CAMTA1: variants seen among roughly 807,000 people sequenced by gnomAD.
CAMTA1 encodes the protein calmodulin-binding transcription activator 1.
Under a neutral mutation model 170.9 loss-of-function variants are expected in CAMTA1, and 27 were observed. The observed-to-expected ratio is 0.16, with a 90% confidence interval of 0.12 to 0.22. CAMTA1 has a LOEUF of 0.22. CAMTA1 is among the 10% of genes least tolerant of loss of function. The pLI, the probability that CAMTA1 is intolerant of heterozygous loss-of-function variation, is 1.00. For synonymous variants in CAMTA1, 833 were observed against 891.5 expected (o/e 0.93, Z 1.17); for missense variants, 1,619 against 2,217.2 (o/e 0.73, Z 5.42).
chr1:6,918,729 G>A lies in CAMTA1; in HGVS notation c.234+93519G>A, dbSNP rs1363958752. 6.6e-6 allele frequency among the ~76,000 whole-genome samples: 1 copy of A among 152,186 alleles called. No individual in the cohort carries two copies. The highest frequency in any genetic ancestry group is 1.9e-4 in the East Asian group (1 of 5,192). On this transcript the variant is annotated intron_variant, in intron 3 of 22. Transcript: ENST00000303635. This position sits in a 1 kb window ranked among gnomAD's most constrained non-coding sequence, Gnocchi z 4.0. ...GAGGCTGGGCTCCTTGGGACTTCCT[G>A]GTGGATGACGCCTGGGGAGTTAGAA...
chr1:7,141,958 C>A (rs761542260), intron 4 of CAMTA1, among the ~76,000 whole-genome samples: 3 of 152,184 alleles, frequency 2.0e-5, no homozygotes, highest in Non-Finnish European at 4.4e-5. Flanking sequence ...GGACACACAG[C>A]GAGCCATGGC....
intron 3 of CAMTA1, among the ~76,000 whole-genome samples, chr1:6,982,580 C>T (rs1007174825): frequency 2.0e-5 from 3 of 152,204 alleles, no homozygotes; most frequent in African/African-American, 7.2e-5. Context: ...CCCTTAGCTA[C>T]TTCTTAAGTG....
intron 4 of CAMTA1, among the ~76,000 whole-genome samples, chr1:7,226,796 G>A (rs1292638218): frequency 6.6e-6 from 1 of 151,900 alleles, no homozygotes. Flanking sequence ...AATATCCTGT[G>A]ATTCATTTAC....
intron 4 of CAMTA1, among the ~76,000 whole-genome samples, chr1:7,230,488 C>T (rs1052624938): frequency 4.1e-5 from 6 of 147,828 alleles, no homozygotes; most frequent in South Asian, 2.2e-4. Context: ...GCTTATCTCC[C>T]GCCATCTGGA....
At chr1:7,042,924 A>G (rs1307929418) in intron 3 of CAMTA1, among the ~76,000 whole-genome samples, 1 of 152,228 alleles carries the variant, frequency 6.6e-6, no homozygotes, top group Non-Finnish European at 1.5e-5. Context: ...AATAAGGTAG[A>G]AAGCAGGTGT....
rs144256877 is a variant in CAMTA1, at chr1:7,295,467, C to T, written c.438+45841C>T. On this transcript the variant is annotated intron_variant, in intron 5 of 22. Coordinates refer to ENST00000303635, the MANE Select transcript of CAMTA1 (RefSeq NM_015215.4). ...GGATCTGCACAGTGGTACTTAGCAGCGTTCTAGGCACCTGGTAAGGGTTTG... is the reference window on the plus strand; with the variant it reads ...GGATCTGCACAGTGGTACTTAGCAGTGTTCTAGGCACCTGGTAAGGGTTTG... Among the ~76,000 whole-genome samples the T allele has an allele frequency of 5.0e-3, 769 of 152,284 alleles. 5 individuals are homozygous for T. The highest frequency in any genetic ancestry group is 0.017 in the African/African-American group (717 of 41,552).
chr1:7,640,992 G>T (rs1014894228), intron 7 of CAMTA1, among the ~76,000 whole-genome samples: 1 of 152,212 alleles, frequency 6.6e-6, no homozygotes, highest in South Asian at 2.1e-4. Context: ...TGGACTCAGG[G>T]CCTGCCTCGG....
intron 4 of CAMTA1, among the ~76,000 whole-genome samples, chr1:7,148,738 G>A (rs1032334704): frequency 1.3e-5 from 2 of 152,234 alleles, no homozygotes; most frequent in African/African-American, 2.4e-5. Context: ...TGTGGTGGCA[G>A]AGGGCACCAT....
intron 7 of CAMTA1, among the ~76,000 whole-genome samples, chr1:7,655,501 C>T (rs981349541): frequency 7.0e-5 from 10 of 141,976 alleles, no homozygotes; most frequent in South Asian, 4.7e-4. Flanking sequence ...ATACAACACA[C>T]ATACACACAC....
intron 4 of CAMTA1, among the ~76,000 whole-genome samples, chr1:7,158,749 T>G (rs895725031): frequency 5.3e-5 from 8 of 152,244 alleles, no homozygotes; most frequent in Non-Finnish European, 1.2e-4. Flanking sequence ...ATTTTCTGTA[T>G]GTTTGATAGT....
At chr1:7,487,172 T>G (rs2093629727) in intron 6 of CAMTA1, among the ~76,000 whole-genome samples, 1 of 152,160 alleles carries the variant, frequency 6.6e-6, no homozygotes, top group Non-Finnish European at 1.5e-5. Context: ...TGTTCCTCCC[T>G]CCTGTAGCAA....
intron 3 of CAMTA1, among the ~76,000 whole-genome samples, chr1:6,870,928 T>A (rs1297029851): frequency 1.3e-5 from 2 of 152,244 alleles, no homozygotes; most frequent in Admixed American, 6.5e-5. Context: ...TTATTTAGTA[T>A]AACCATTAAT....
chr1:7,175,650 AC>A (rs1245412656), intron 4 of CAMTA1, among the ~76,000 whole-genome samples: 1 of 152,096 alleles, frequency 6.6e-6, no homozygotes, highest in Non-Finnish European at 1.5e-5. Flanking sequence ...TCCTGCAGCC[AC>A]CCCAGCCGCT....
intron 6 of CAMTA1, among the ~76,000 whole-genome samples, chr1:7,551,756 G>A (rs188956953): frequency 1.6e-4 from 24 of 152,316 alleles, no homozygotes; most frequent in African/African-American, 5.3e-4. Flanking sequence ...CTGGCACTGG[G>A]TCTCTGCTGC....
At chr1:6,870,894 A>G (rs936756465) in intron 3 of CAMTA1, among the ~76,000 whole-genome samples, 5 of 152,230 alleles carry the variant, frequency 3.3e-5, no homozygotes, top group African/African-American at 1.2e-4. Context: ...TTCATTTTAT[A>G]TACTAGTGAA....
chr1:7,207,499 AAATAT>A (rs1657955923), intron 4 of CAMTA1, among the ~76,000 whole-genome samples: 2 of 152,222 alleles, frequency 1.3e-5, no homozygotes, highest in South Asian at 4.1e-4. Context: ...TACCACCTAA[AAATAT>A]ACACTCTATT....
At chr1:7,236,042 C>G (rs1663784372) in intron 4 of CAMTA1, among the ~76,000 whole-genome samples, 1 of 152,182 alleles carries the variant, frequency 6.6e-6, no homozygotes. Flanking sequence ...TCATAAACAG[C>G]TGAGAGTGGC....
At chr1:7,119,895 G>T (rs2148448491) in intron 4 of CAMTA1, among the ~76,000 whole-genome samples, 1 of 152,300 alleles carries the variant, frequency 6.6e-6, no homozygotes, top group African/African-American at 2.4e-5. Context: ...GCACAGCAGA[G>T]AAGTTAGTTT....
chr1:7,499,392 CAT>C (rs2093927326), intron 6 of CAMTA1, among the ~76,000 whole-genome samples: 3 of 88,346 alleles, frequency 3.4e-5, no homozygotes, highest in African/African-American at 1.3e-4. Context: ...TGTGTGTGTG[CAT>C]GTGTGTACAT....
Sources: gnomAD v4.1 joint callset for allele counts (sites outside exome capture counted in the v4.1 genomes callset) on GRCh38, gnomAD v4.1.1 for gene constraint, Gnocchi (gnomAD v3.1) non-coding constraint, MANE v1.5 for transcripts, NCBI Gene and HGNC (gene_info 2026-07-23, HGNC 2026-07-21) for gene names.